The following OPCML variants were observed in gnomAD, a reference collection of about 807,000 sequenced individuals.
The protein encoded by OPCML is opioid-binding protein/cell adhesion molecule.
In OPCML, 13 loss-of-function variants were observed where a neutral mutation model predicts 37.8. The ratio of observed to expected loss-of-function variants is 0.34; its 90% confidence interval spans 0.22 to 0.55. The LOEUF is 0.55. Among genes scored for constraint, OPCML ranks in the 20% least tolerant of loss-of-function variants. The pLI, the probability that OPCML is intolerant of heterozygous loss-of-function variation, is 0.91. For synonymous variants in OPCML, 176 were observed against 168.8 expected, an observed-to-expected ratio of 1.04 and a Z score of -0.33; for missense variants, 341 against 435.6, an observed-to-expected ratio of 0.78 and a Z score of 1.93.
At chr11:133,087,582 C>T (rs1948836059) in intron 1 of OPCML, among the ~76,000 whole-genome samples, 1 of 152,242 alleles carries the variant, frequency 6.6e-6, no homozygotes, top group Non-Finnish European at 1.5e-5. Flanking sequence ...ACCTGCTCTG[C>T]TTCACAGAGT....
At chr11:133,025,143 A>G in intron 1 of OPCML, 5 of 555,782 alleles carry the variant, frequency 9.0e-6, no homozygotes, top group Non-Finnish European at 1.1e-5. Context: ...AGTAATTAGA[A>G]TGTTAGACTG....
At chr11:132,812,252 G>A (rs540115111) in intron 2 of OPCML, among the ~76,000 whole-genome samples, 9 of 152,244 alleles carry the variant, frequency 5.9e-5, no homozygotes, top group East Asian at 3.9e-4. Context: ...TTTACACTGC[G>A]CATTGCAAAG....
In OPCML at chr11:133,205,139, G is replaced by C. The variant is rs1026537189; in HGVS notation, c.62-262129C>G. 2.4e-4 allele frequency among the ~76,000 whole-genome samples: 37 copies of C among 151,848 alleles called. No homozygotes were observed. The highest frequency in any genetic ancestry group is 8.5e-4 in the African/African-American group (35 of 41,356). ...TTCCTGGGAGGGGAGATGAGGTGAAGGTTGAGTTGCTCACCAATGGCTAAT... is the reference window on the plus strand; with the variant it reads ...TTCCTGGGAGGGGAGATGAGGTGAACGTTGAGTTGCTCACCAATGGCTAAT... On this transcript the variant is annotated intron_variant, in intron 1 of 7. Coordinates refer to ENST00000524381, the MANE Select transcript of OPCML (RefSeq NM_001012393.5). The surrounding 1 kb of genome is among the most constrained non-coding windows in gnomAD (Gnocchi z 4.8).
intron 2 of OPCML, among the ~76,000 whole-genome samples, chr11:132,714,575 T>C (rs1565799616): frequency 7.3e-6 from 1 of 137,734 alleles, no homozygotes; most frequent in African/African-American, 3.3e-5. Context: ...AAAATATCAT[T>C]GATAAATCTT....
intron 4 of OPCML, among the ~76,000 whole-genome samples, chr11:132,506,348 A>G (rs1040392346): frequency 1.3e-5 from 2 of 152,224 alleles, no homozygotes; most frequent in Admixed American, 6.5e-5. Context: ...AGAAAATACA[A>G]CAATCACACA....
At chr11:133,297,259 C>A (rs1177489246) in intron 1 of OPCML, 4 of 152,178 alleles carry the variant, frequency 2.6e-5, no homozygotes, top group Non-Finnish European at 4.4e-5. Context: ...ACCTTATATT[C>A]CACTGAGATT....
intron 1 of OPCML, among the ~76,000 whole-genome samples, chr11:133,441,021 G>C (rs1031372714): frequency 9.9e-5 from 15 of 151,292 alleles, no homozygotes; most frequent in Non-Finnish European, 1.8e-4. Flanking sequence ...AAGAATTTGA[G>C]GGTTTTACAG....
chr11:133,499,859 C>T (rs1365786037), intron 1 of OPCML, among the ~76,000 whole-genome samples: 1 of 122,168 alleles, frequency 8.2e-6, no homozygotes, highest in Non-Finnish European at 1.6e-5. Context: ...TATACATACA[C>T]ATATATATAT....
rs557293087 is a variant in OPCML, at chr11:133,217,209, C to G, written c.62-274199G>C. 5.3e-4 allele frequency among the ~76,000 whole-genome samples: 80 copies of G among 152,300 alleles called. 2 individuals are homozygous for G. The highest frequency in any genetic ancestry group is 1.8e-3 in the African/African-American group (76 of 41,574). On this transcript the variant is annotated intron_variant, in intron 1 of 7. Transcript: ENST00000524381. ...CTTTTTTCTGGTCAACCTTCAGAAG[C>G]CTCTCTTGGTCAGACGTTTCTAGCT... is the stretch of plus-strand genomic sequence containing the variant.
intron 1 of OPCML, among the ~76,000 whole-genome samples, chr11:132,983,749 C>A (rs1488501231): frequency 6.6e-6 from 1 of 152,204 alleles, no homozygotes; most frequent in Non-Finnish European, 1.5e-5. Context: ...CCACACACAT[C>A]TACATTTTTA....
chr11:132,935,158 C>T (rs115430268), intron 2 of OPCML, among the ~76,000 whole-genome samples: 3,559 of 150,080 alleles, frequency 0.024, 153 homozygotes, highest in African/African-American at 0.081. Flanking sequence ...AAAAAAAAAG[C>T]TACATATTTT....
intron 1 of OPCML, among the ~76,000 whole-genome samples, chr11:133,021,935 ACAT>A (rs1485634887): frequency 1.3e-5 from 2 of 152,234 alleles, no homozygotes; most frequent in African/African-American, 4.8e-5. Flanking sequence ...CTTTCTAAGC[ACAT>A]GCAGTGATCT....
Position 133,266,938 on chromosome 11 carries a change from C to T in OPCML, c.61+265326G>A, listed in dbSNP as rs1192437577. Among the ~76,000 whole-genome samples the T allele has an allele frequency of 3.3e-5, 5 of 152,094 alleles. No individual in the cohort carries two copies. In the East Asian group the frequency reaches 5.8e-4, roughly 18 times the overall value. On this transcript the variant is annotated intron_variant, in intron 1 of 7. Transcript: ENST00000524381. ...GGTGAGATGTCTACATGGAAGCTAC[C>T]TTTTAAATTTAATCTCAGAGACTTG...
At chr11:132,654,359 A>G (rs932823879) in intron 3 of OPCML, among the ~76,000 whole-genome samples, 1 of 152,240 alleles carries the variant, frequency 6.6e-6, no homozygotes, top group Non-Finnish European at 1.5e-5. Context: ...GCTTCTCCCC[A>G]AGAGAACGTC....
At chr11:132,474,401 T>G (rs922234792) in intron 4 of OPCML, among the ~76,000 whole-genome samples, 8 of 152,044 alleles carry the variant, frequency 5.3e-5, no homozygotes, top group Non-Finnish European at 1.0e-4. Context: ...GCCCAGGGGA[T>G]ATGGAAAAGC....
intron 2 of OPCML, among the ~76,000 whole-genome samples, chr11:132,932,385 G>A (rs1319165735): frequency 6.6e-6 from 1 of 152,142 alleles, no homozygotes; most frequent in Non-Finnish European, 1.5e-5. Context: ...TGTACCTAGT[G>A]AGGTGGTGGC....
Position 133,075,501 on chromosome 11 carries a change from G to A in OPCML, c.62-132491C>T, listed in dbSNP as rs112990074. Among the ~76,000 whole-genome samples the A allele has an allele frequency of 3.5e-3, 539 of 152,286 alleles. 4 individuals carry two copies. The highest frequency in any genetic ancestry group is 0.013 in the African/African-American group (522 of 41,550). ...TGGGGACGCTGCCGGGAAGCAGTTC[G>A]ACACTGACTGATGCTTTGCTGCAGG... On this transcript the variant is annotated intron_variant, in intron 1 of 7. Coordinates refer to ENST00000524381, the MANE Select transcript of OPCML (RefSeq NM_001012393.5).
At chr11:132,946,431 G>A (rs1398213645) in intron 1 of OPCML, among the ~76,000 whole-genome samples, 1 of 152,118 alleles carries the variant, frequency 6.6e-6, no homozygotes, top group African/African-American at 2.4e-5. Context: ...ATTTACATGT[G>A]CTAGACTTTC....
chr11:132,626,816 CTCTCTCT>C (rs1939772590), intron 3 of OPCML, among the ~76,000 whole-genome samples: 1 of 18,198 alleles, frequency 5.5e-5, no homozygotes. Context: ...GGAAGTTTCT[CTCTCTCT>C]CTCTCTCTCT....
Sources: allele counts gnomAD v4.1 joint callset (sites outside exome capture counted in the v4.1 genomes callset), GRCh38; gene constraint gnomAD v4.1.1; non-coding constraint Gnocchi (gnomAD v3.1); transcripts MANE v1.5; gene names NCBI Gene and HGNC (gene_info 2026-07-23, HGNC 2026-07-21).